The following NCALD variants were observed in gnomAD, a reference collection of about 807,000 sequenced individuals.
The protein encoded by NCALD is neurocalcin-delta.
In NCALD, 10 loss-of-function variants were observed where a neutral mutation model predicts 18.6. The observed-to-expected ratio is 0.54, with a 90% CI of 0.33 to 0.91. NCALD has a LOEUF of 0.91. Ranked by LOEUF, NCALD falls within the 40% of genes least tolerant of loss-of-function variation. The pLI, the probability that NCALD is intolerant of heterozygous loss-of-function variation, is 0.03. For missense variants in NCALD, 184 were observed against 247.6 expected, an observed-to-expected ratio of 0.74 and a Z score of 1.72; for synonymous variants, 88 against 87.4, an observed-to-expected ratio of 1.01 and a Z score of -0.04.
upstream of NCALD, among the ~76,000 whole-genome samples, chr8:101,794,365 C>A (rs142862722): frequency 6.6e-6 from 1 of 152,046 alleles, no homozygotes; most frequent in East Asian, 1.9e-4. Context: ...GAAATGGTTC[C>A]TTTTTCTTCC....
At chr8:102,049,663 G>T (rs1823362737) in intron 1 of NCALD, among the ~76,000 whole-genome samples, 2 of 152,152 alleles carry the variant, frequency 1.3e-5, no homozygotes, top group South Asian at 4.1e-4. Flanking sequence ...CACCAGAAAT[G>T]AATGAGAGTT....
In NCALD at chr8:101,994,398, TC is replaced by T. The variant is rs201426990; in HGVS notation, c.-157+25838del. 7.5e-3 allele frequency among the ~76,000 whole-genome samples: 1,143 copies of T among 152,294 alleles called. 14 individuals are homozygous for T. Among genetic ancestry groups the T allele is most frequent in the African/African-American group, 0.023 (945 of 41,546 alleles). On this transcript the variant is annotated intron_variant, in intron 2 of 6. Coordinates refer to the NCALD transcript ENST00000311028. ...CCCACCCCTGGCCCAGCAGAGTTTT[TC>T]CCTGTTCCCAGGGCTCCTTGAGGGC...
intron 4 of NCALD, among the ~76,000 whole-genome samples, chr8:101,874,821 C>T (rs1816163188): frequency 6.6e-6 from 1 of 152,160 alleles, no homozygotes; most frequent in South Asian, 2.1e-4. Context: ...AGCCACTGTG[C>T]CCAGCGTCTT....
In NCALD at chr8:101,900,807, TCTG is replaced by T. The variant is rs147821846; in HGVS notation, c.-106-13583_-106-13581del. 2.5e-3 allele frequency among the ~76,000 whole-genome samples: 382 copies of T among 152,162 alleles called. 5 individuals are homozygous for T. Among genetic ancestry groups the T allele is most frequent in the African/African-American group, 8.6e-3 (357 of 41,568 alleles). The stretch of plus-strand genomic sequence containing the variant: ...GGTATACATTTTGTTAGTCAATTCT[TCTG>T]TTGTTGGGTGGATTGTATAAATATA... On this transcript the variant is annotated intron_variant, in intron 3 of 6. Transcript: ENST00000311028.
intron 4 of NCALD, among the ~76,000 whole-genome samples, chr8:101,810,323 G>A (rs1482651661): frequency 6.6e-6 from 1 of 152,124 alleles, no homozygotes; most frequent in Non-Finnish European, 1.5e-5. Flanking sequence ...TTGCACGGTG[G>A]TTATAAGGAG....
At chr8:101,714,547 A>G (rs1429310732) in intron 2 of NCALD, among the ~76,000 whole-genome samples, 1 of 152,240 alleles carries the variant, frequency 6.6e-6, no homozygotes, top group African/African-American at 2.4e-5. Context: ...AATCAATATC[A>G]TGAAAACGGC....
At chr8:101,802,047 C>G (rs1055397185) in intron 4 of NCALD, among the ~76,000 whole-genome samples, 1 of 152,114 alleles carries the variant, frequency 6.6e-6, no homozygotes, top group Non-Finnish European at 1.5e-5. Context: ...TTGTGGCAAC[C>G]CTGCATCAAG....
intron 1 of NCALD, among the ~76,000 whole-genome samples, chr8:102,117,171 AC>A (rs1187059780): frequency 6.6e-6 from 1 of 152,196 alleles, no homozygotes; most frequent in Non-Finnish European, 1.5e-5. Context: ...GTTGCATTCA[AC>A]CACCATTTTG....
intron 2 of NCALD, among the ~76,000 whole-genome samples, chr8:101,712,587 C>CAAAAAAAAAA (rs201729096): frequency 4.4e-4 from 35 of 78,902 alleles, no homozygotes; most frequent in African/African-American, 7.3e-4. Context: ...AAATGGAAAG[C>CAAAAAAAAAA]AAAAAAAAAA....
At chr8:101,860,883 T>C (rs1263306691) in intron 4 of NCALD, among the ~76,000 whole-genome samples, 1 of 152,174 alleles carries the variant, frequency 6.6e-6, no homozygotes, top group African/African-American at 2.4e-5. Flanking sequence ...TGTAATTGCC[T>C]GTACCGACCC....
At chr8:101,886,921 AT>A (rs149091263) in intron 4 of NCALD, among the ~76,000 whole-genome samples, 2 of 151,766 alleles carry the variant, frequency 1.3e-5, no homozygotes, top group Non-Finnish European at 2.9e-5. Context: ...AGAGAGCAGG[AT>A]TTTTTTTTAA....
chr8:101,878,822 G>T (rs922286337), intron 4 of NCALD, among the ~76,000 whole-genome samples: 1 of 152,200 alleles, frequency 6.6e-6, no homozygotes, highest in African/African-American at 2.4e-5. Flanking sequence ...TTTGGAGGCA[G>T]AAACTGCTAC....
intron 2 of NCALD, among the ~76,000 whole-genome samples, chr8:101,920,132 C>T (rs1032667726): frequency 6.6e-6 from 1 of 152,078 alleles, no homozygotes; most frequent in African/African-American, 2.4e-5. Context: ...TGGTGCATGC[C>T]TGTAGTCCCA....
Position 102,066,895 on chromosome 8 carries a change from C to T in NCALD, c.-209-46606G>A, listed in dbSNP as rs1396861029. Among the ~76,000 whole-genome samples, 4 of 152,216 alleles carry T rather than the reference C, an allele frequency of 2.6e-5. No homozygotes were observed. The East Asian group carries it at 7.7e-4, about 29-fold the overall frequency. ...TTGTCCTTGATGTCATCCTTCCATACCTCTGGTCACCTTCCAGCTTCCTCT... is the reference window on the plus strand; with the variant it reads ...TTGTCCTTGATGTCATCCTTCCATATCTCTGGTCACCTTCCAGCTTCCTCT... On this transcript the variant is annotated intron_variant, in intron 1 of 6. Coordinates refer to the NCALD transcript ENST00000311028.
intron 3 of NCALD, among the ~76,000 whole-genome samples, chr8:101,890,860 C>T (rs1485594518): frequency 6.6e-6 from 1 of 152,196 alleles, no homozygotes; most frequent in Non-Finnish European, 1.5e-5. Flanking sequence ...ACAAACATGA[C>T]TTTTTCGACA....
intron 1 of NCALD, among the ~76,000 whole-genome samples, chr8:101,745,047 T>TG (rs1315293421): frequency 1.4e-4 from 6 of 42,252 alleles, no homozygotes; most frequent in East Asian, 8.0e-4. Context: ...GGGGGTAGGG[T>TG]GGGGGGGACT....
chr8:101,874,475 C>G (rs895856330), intron 4 of NCALD, among the ~76,000 whole-genome samples: 1 of 152,176 alleles, frequency 6.6e-6, no homozygotes, highest in Non-Finnish European at 1.5e-5. Flanking sequence ...GCATTTCCCA[C>G]ACTTCTGCTA....
chr8:101,868,054 T>A (rs571531526), intron 4 of NCALD, among the ~76,000 whole-genome samples: 1 of 152,228 alleles, frequency 6.6e-6, no homozygotes, highest in Non-Finnish European at 1.5e-5. Context: ...CCCCTTTCCC[T>A]GGCACTGTAT....
chr8:101,754,585 A>T (rs1484189874), intron 1 of NCALD, among the ~76,000 whole-genome samples: 1 of 152,168 alleles, frequency 6.6e-6, no homozygotes, highest in Non-Finnish European at 1.5e-5. Context: ...CATTCATGAC[A>T]TAATCACTTC....
Sources: allele counts gnomAD v4.1 joint callset (sites outside exome capture counted in the v4.1 genomes callset), GRCh38; gene constraint gnomAD v4.1.1; transcripts MANE v1.5; gene names NCBI Gene and HGNC (gene_info 2026-07-23, HGNC 2026-07-21).